The following CHRM3 variants were observed in gnomAD, a reference collection of about 807,000 sequenced individuals.
The protein encoded by CHRM3 is cholinergic receptor muscarinic 3.
Under a neutral mutation model 41.8 loss-of-function variants are expected in CHRM3, and 11 were observed. That is an observed-to-expected ratio of 0.26 (90% CI 0.17 to 0.44). CHRM3 has a LOEUF of 0.44. Ranked by LOEUF, CHRM3 falls within the 20% of genes least tolerant of loss-of-function variation. The pLI is 1.00. For missense variants in CHRM3, 571 were observed against 745.4 expected (o/e 0.77, Z 2.72); for synonymous variants, 297 against 301.4 (o/e 0.99, Z 0.15).
chr1:239,661,031 T>G (rs957756795), intron 4 of CHRM3, among the ~76,000 whole-genome samples: 2 of 152,190 alleles, frequency 1.3e-5, no homozygotes. Context: ...ACAGGGAAAC[T>G]GAGGCATTTA....
At chr1:239,890,042 T>C (rs1241538509) in intron 6 of CHRM3, among the ~76,000 whole-genome samples, 1 of 152,056 alleles carries the variant, frequency 6.6e-6, no homozygotes, top group Non-Finnish European at 1.5e-5. Context: ...GAGTCAGGCA[T>C]GGTGGCTCAC....
intron 1 of CHRM3, among the ~76,000 whole-genome samples, chr1:239,437,035 A>T (rs1663326729): frequency 6.6e-6 from 1 of 152,182 alleles, no homozygotes; most frequent in African/African-American, 2.4e-5. Flanking sequence ...TCTTAAAAAA[A>T]ATGACGCTAC....
intron 5 of CHRM3, among the ~76,000 whole-genome samples, chr1:239,713,881 G>A (rs1408224984): frequency 6.6e-6 from 1 of 152,132 alleles, no homozygotes; most frequent in Non-Finnish European, 1.5e-5. Context: ...ATGGACGAGG[G>A]ACAAAACATA....
chr1:239,733,733 C>G lies in CHRM3; in HGVS notation c.-147+55445C>G, dbSNP rs190411298. 2.9e-3 allele frequency among the ~76,000 whole-genome samples: 439 copies of G among 152,008 alleles called. 1 individual carries two copies. Among genetic ancestry groups the G allele is most frequent in the Admixed American group, 4.2e-3 (64 of 15,246 alleles). On this transcript the variant is annotated intron_variant, in intron 5 of 6. Transcript: ENST00000676153. ...TGAATTAAAGTAAGCTCAGCTGTTGCTTAATGTATGGCTTCACTACATTTT... is the reference window on the plus strand; with the variant it reads ...TGAATTAAAGTAAGCTCAGCTGTTGGTTAATGTATGGCTTCACTACATTTT...
intron 1 of CHRM3, among the ~76,000 whole-genome samples, chr1:239,402,204 T>C (rs1660037222): frequency 1.3e-5 from 2 of 152,218 alleles, no homozygotes; most frequent in African/African-American, 2.4e-5. Context: ...CTACTTTTCC[T>C]ATATGCATTG....
At chr1:239,475,049 G>A (rs1443613497) in intron 1 of CHRM3, among the ~76,000 whole-genome samples, 2 of 151,922 alleles carry the variant, frequency 1.3e-5, no homozygotes, top group Non-Finnish European at 2.9e-5. Flanking sequence ...TGTTTGGGGG[G>A]ACCAAAGTAC....
chr1:239,462,310 G>T (rs1020815546), intron 1 of CHRM3, among the ~76,000 whole-genome samples: 1 of 152,010 alleles, frequency 6.6e-6, no homozygotes, highest in African/African-American at 2.4e-5. Context: ...AAATGTCCCT[G>T]GGTTATACCA....
At chr1:239,746,241 A>T (rs1291726367) in intron 5 of CHRM3, among the ~76,000 whole-genome samples, 1 of 152,246 alleles carries the variant, frequency 6.6e-6, no homozygotes, top group Non-Finnish European at 1.5e-5. Context: ...TTCGTAATTA[A>T]AACATGAGTT....
At chr1:239,524,603 C>A (rs1012450632) in intron 2 of CHRM3, among the ~76,000 whole-genome samples, 3 of 151,992 alleles carry the variant, frequency 2.0e-5, no homozygotes, top group Admixed American at 2.0e-4. Flanking sequence ...GAATTTATAA[C>A]CTGAGCATGA....
At chr1:239,516,216 A>G (rs1669261055) in intron 2 of CHRM3, among the ~76,000 whole-genome samples, 1 of 152,178 alleles carries the variant, frequency 6.6e-6, no homozygotes, top group Non-Finnish European at 1.5e-5. Context: ...TATTCCCAGG[A>G]GGGGAGAACA....
intron 5 of CHRM3, among the ~76,000 whole-genome samples, chr1:239,752,821 C>G (rs1021958751): frequency 2.0e-5 from 3 of 151,936 alleles, no homozygotes; most frequent in Non-Finnish European, 4.4e-5. Context: ...CTTTTTTTCA[C>G]TAGGCTTAAA....
At chr1:239,540,296 T>C (rs1268256162) in intron 2 of CHRM3, among the ~76,000 whole-genome samples, 1 of 151,514 alleles carries the variant, frequency 6.6e-6, no homozygotes, top group Non-Finnish European at 1.5e-5. Context: ...GTAGATTGCT[T>C]ATGCTAATCG....
Position 239,607,202 on chromosome 1 carries a change from C to G in CHRM3, c.-312-25022C>G, listed in dbSNP as rs547932962. ...GGCTAACCCCATTCTTTCCCTGCAG[C>G]ATTCACTTAATGACTCAGTACCTTA... On this transcript the variant is annotated intron_variant, in intron 3 of 6. Transcript: ENST00000676153. Among the ~76,000 whole-genome samples the G allele has an allele frequency of 2.0e-5, 3 of 152,226 alleles. No homozygotes were observed. The East Asian group carries it at 5.8e-4, about 29-fold the overall frequency.
chr1:239,435,294 A>G lies in CHRM3; in HGVS notation c.-521+48067A>G, dbSNP rs527945069. 2.0e-4 allele frequency among the ~76,000 whole-genome samples: 31 copies of G among 152,122 alleles called. 1 individual carries two copies. The South Asian group carries it at 6.2e-3, about 31-fold the overall frequency. Reference sequence around the variant, plus strand: ...ATGAAACCCCGTCTCTACTAAAAATACAAAAATCAGCCGGGTGTGGTGGCG... The same window carrying G: ...ATGAAACCCCGTCTCTACTAAAAATGCAAAAATCAGCCGGGTGTGGTGGCG... On this transcript the variant is annotated intron_variant, in intron 1 of 6. Coordinates refer to ENST00000676153, the MANE Select transcript of CHRM3 (RefSeq NM_001375978.1).
intron 5 of CHRM3, among the ~76,000 whole-genome samples, chr1:239,821,537 T>G (rs551792120): frequency 5.5e-4 from 83 of 152,182 alleles, no homozygotes; most frequent in Non-Finnish European, 7.8e-4. Context: ...GGCTGGGAAA[T>G]AGGAACCAAG....
chr1:239,531,284 T>C (rs1053122171), intron 2 of CHRM3, among the ~76,000 whole-genome samples: 1 of 152,114 alleles, frequency 6.6e-6, no homozygotes, highest in Non-Finnish European at 1.5e-5. Context: ...CAAGGCAGTG[T>C]GATATTAGCA....
intron 3 of CHRM3, among the ~76,000 whole-genome samples, chr1:239,576,334 A>G (rs918381277): frequency 6.6e-6 from 1 of 152,062 alleles, no homozygotes; most frequent in Non-Finnish European, 1.5e-5. Flanking sequence ...GTGGTTATAG[A>G]ATGTACTTGA....
intron 1 of CHRM3, among the ~76,000 whole-genome samples, chr1:239,423,471 C>T (rs760907939): frequency 2.0e-5 from 3 of 152,060 alleles, no homozygotes; most frequent in African/African-American, 4.8e-5. Flanking sequence ...AGGATGGAGG[C>T]GGGAATGCAG....
chr1:239,862,640 G>T (rs892874401), intron 6 of CHRM3, among the ~76,000 whole-genome samples: 2 of 152,140 alleles, frequency 1.3e-5, no homozygotes, highest in African/African-American at 4.8e-5. Flanking sequence ...TTATTGATTT[G>T]ATTTCTTTAA....
Sources: allele counts gnomAD v4.1 joint callset (sites outside exome capture counted in the v4.1 genomes callset), GRCh38; gene constraint gnomAD v4.1.1; transcripts MANE v1.5; gene names NCBI Gene and HGNC (gene_info 2026-07-23, HGNC 2026-07-21).